Variants in TTC28 observed in about 807,000 individuals in gnomAD.
The protein encoded by TTC28 is tetratricopeptide repeat domain 28, also known as tetratricopeptide repeat protein 28.
A neutral mutation model predicts 198.0 loss-of-function variants in TTC28; 61 were observed. The ratio of observed to expected loss-of-function variants is 0.31; its 90% CI spans 0.25 to 0.38. The LOEUF (loss-of-function observed/expected upper bound fraction) is 0.38. Ranked by LOEUF, TTC28 falls within the 10% of genes least tolerant of loss-of-function variation. The pLI is 1.00. For synonymous variants in TTC28, 1,171 were observed against 1,297.8 expected (o/e 0.90, Z 2.10); for missense variants, 2,678 against 3,164.0 (o/e 0.85, Z 3.69).
Position 28,677,158 on chromosome 22 carries a change from GAAAAAA to G in TTC28, c.102+2458_102+2463del, listed in dbSNP as rs35292146. 4.9e-3 allele frequency among the ~76,000 whole-genome samples: 219 copies of G among 45,034 alleles called. 2 individuals carry two copies. Among genetic ancestry groups the G allele is most frequent in the Non-Finnish European group, 7.1e-3 (175 of 24,560 alleles). The allele number at this position is 45,034 out of a possible 152,430, so 29.5% of individuals were successfully genotyped here. On this transcript the variant is annotated intron_variant, in intron 1 of 22. Transcript: ENST00000397906. ...GTGACAGAGCAAGACTCCATCTCAG[GAAAAAA>G]AAAAAAAAAAAATATATATATATAT...
chr22:28,233,076 T>C (rs185148106), intron 5 of TTC28, among the ~76,000 whole-genome samples: 136 of 151,886 alleles, frequency 9.0e-4, no homozygotes, highest in Non-Finnish European at 1.2e-4. Context: ...CACTCCAACC[T>C]AGGCAACAAG....
At chr22:28,348,324 A>C (rs146984321) in intron 2 of TTC28, among the ~76,000 whole-genome samples, 1 of 152,270 alleles carries the variant, frequency 6.6e-6, no homozygotes, top group East Asian at 1.9e-4. Flanking sequence ...GAATGAAGCT[A>C]AGGGACTAAA....
At chr22:28,011,828 C>A (rs144857488) in intron 14 of TTC28, among the ~76,000 whole-genome samples, 1 of 152,174 alleles carries the variant, frequency 6.6e-6, no homozygotes, top group Non-Finnish European at 1.5e-5. Flanking sequence ...CTGCCAGCGC[C>A]AGATGACCTG....
intron 2 of TTC28, among the ~76,000 whole-genome samples, chr22:28,435,416 T>C (rs898474704): frequency 1.3e-5 from 2 of 152,226 alleles, no homozygotes; most frequent in African/African-American, 4.8e-5. Flanking sequence ...TTAAATGATA[T>C]AATTCTTACA....
intron 5 of TTC28, among the ~76,000 whole-genome samples, chr22:28,206,610 T>A (rs1601474367): frequency 6.6e-6 from 1 of 152,200 alleles, no homozygotes; most frequent in African/African-American, 2.4e-5. Flanking sequence ...CTCTGATTAG[T>A]ATTTTATCTG....
At chr22:28,261,309 G>C (rs144597130) in intron 5 of TTC28, among the ~76,000 whole-genome samples, 260 of 152,276 alleles carry the variant, frequency 1.7e-3, no homozygotes, top group Non-Finnish European at 3.1e-3. Context: ...TAATGATATA[G>C]TTAGTACAGT....
chr22:28,229,074 C>T (rs1291574299), intron 5 of TTC28, among the ~76,000 whole-genome samples: 2 of 151,202 alleles, frequency 1.3e-5, no homozygotes, highest in Admixed American at 6.6e-5. Context: ...GAGAATCGCT[C>T]GAACCTGGGA....
chr22:28,066,275 C>T lies in TTC28; in HGVS notation c.3932+27805G>A, dbSNP rs3884751. 6.9e-3 allele frequency among the ~76,000 whole-genome samples: 936 copies of T among 135,692 alleles called. 10 individuals carry two copies. The highest frequency in any genetic ancestry group is 0.031 in the Admixed American group (436 of 14,086). The allele number at this position is 135,692 out of a possible 152,430, so 89.0% of individuals were successfully genotyped here. A position where few individuals can be genotyped will look rare whatever the true frequency, so the allele number is the denominator to read the frequency against. Reference sequence around the variant, plus strand: ...CACATTAATTACCTTACCTAGTTACCGTGTGTGTGTGTGTGTGTGTGTGTG... The same window carrying T: ...CACATTAATTACCTTACCTAGTTACTGTGTGTGTGTGTGTGTGTGTGTGTG... On this transcript the variant is annotated intron_variant, in intron 12 of 22. Transcript: ENST00000397906.
intron 2 of TTC28, among the ~76,000 whole-genome samples, chr22:28,583,482 G>C (rs2050261419): frequency 6.6e-6 from 1 of 152,150 alleles, no homozygotes; most frequent in African/African-American, 2.4e-5. Context: ...GGTTAAGACA[G>C]AATGTAGTAC....
chr22:28,211,750 C>T (rs928966591), intron 5 of TTC28, among the ~76,000 whole-genome samples: 12 of 152,000 alleles, frequency 7.9e-5, no homozygotes, highest in Non-Finnish European at 1.5e-4. Context: ...AGGATATCCA[C>T]GACTTGAACT....
chr22:28,405,061 C>G (rs1306614213), intron 2 of TTC28, among the ~76,000 whole-genome samples: 1 of 152,152 alleles, frequency 6.6e-6, no homozygotes, highest in Admixed American at 6.5e-5. Context: ...ACAGGGTTTT[C>G]TTGAAGAAGG....
At chr22:28,211,670 A>G (rs1478966697) in intron 5 of TTC28, among the ~76,000 whole-genome samples, 2 of 152,092 alleles carry the variant, frequency 1.3e-5, no homozygotes, top group Non-Finnish European at 2.9e-5. Context: ...TAGATTCCAA[A>G]CAATAATAAT....
chr22:28,116,134 C>T (rs867336560), intron 6 of TTC28, among the ~76,000 whole-genome samples: 21 of 152,234 alleles, frequency 1.4e-4, no homozygotes, highest in South Asian at 1.0e-3. Context: ...AGGGTCAGTT[C>T]CTCTTCAGTC....
intron 5 of TTC28, among the ~76,000 whole-genome samples, chr22:28,253,725 A>C (rs1320837412): frequency 1.3e-5 from 2 of 152,162 alleles, no homozygotes; most frequent in African/African-American, 4.8e-5. Flanking sequence ...TGAGTAGAAG[A>C]GGGACTGCAG....
At chr22:28,397,844 G>C (rs1021278606) in intron 2 of TTC28, among the ~76,000 whole-genome samples, 2 of 152,208 alleles carry the variant, frequency 1.3e-5, no homozygotes, top group African/African-American at 4.8e-5. Flanking sequence ...CAGATCATAT[G>C]AATTTCACTT....
chr22:28,328,760 AATAAT>A (rs869156634), intron 2 of TTC28, among the ~76,000 whole-genome samples: 4 of 1,790 alleles, frequency 2.2e-3, no homozygotes, highest in East Asian at 0.017. Context: ...TCTCAAAAAT[AATAAT>A]AATAATAATA....
At chr22:28,373,139 C>A (rs2046362044) in intron 2 of TTC28, among the ~76,000 whole-genome samples, 3 of 151,950 alleles carry the variant, frequency 2.0e-5, no homozygotes, top group Admixed American at 2.0e-4. Context: ...TTCATTGGAT[C>A]CTTTCATTTT....
intron 2 of TTC28, among the ~76,000 whole-genome samples, chr22:28,440,814 T>TA (rs2047608486): frequency 6.6e-6 from 1 of 152,200 alleles, no homozygotes; most frequent in African/African-American, 2.4e-5. Flanking sequence ...CTAATCTTTG[T>TA]AAAGACTTAC....
chr22:28,176,759 TAATAACTAATCTTTGAC>T (rs1264692596), intron 5 of TTC28, among the ~76,000 whole-genome samples: 1 of 152,198 alleles, frequency 6.6e-6, no homozygotes, highest in Non-Finnish European at 1.5e-5. Flanking sequence ...CACATAAATA[TAATAACTAATCTTTGAC>T]AGGGTACAAA....
Sources: allele counts gnomAD v4.1 joint callset (sites outside exome capture counted in the v4.1 genomes callset), GRCh38; gene constraint gnomAD v4.1.1; transcripts MANE v1.5; gene names NCBI Gene and HGNC (gene_info 2026-07-23, HGNC 2026-07-21).